The following SLC23A2 variants were observed in gnomAD, a reference collection of about 807,000 sequenced individuals.
SLC23A2 encodes Na(+)/L-ascorbic acid transporter 2.
Under a neutral mutation model 73.3 loss-of-function variants are expected in SLC23A2, and 36 were observed. The ratio of observed to expected loss-of-function variants is 0.49; its 90% CI spans 0.38 to 0.65. SLC23A2 has a LOEUF of 0.65. Ranked by LOEUF, SLC23A2 falls within the 30% of genes least tolerant of loss-of-function variation. The pLI is 0.00. For synonymous variants in SLC23A2, 343 were observed against 327.3 expected, an observed-to-expected ratio of 1.05 and a Z score of -0.52; for missense variants, 507 against 841.6, an observed-to-expected ratio of 0.60 and a Z score of 4.92.
At chr20:4,901,604 C>T (rs1236712128) in intron 5 of SLC23A2, among the ~76,000 whole-genome samples, 1 of 152,162 alleles carries the variant, frequency 6.6e-6, no homozygotes, top group Admixed American at 6.5e-5. Flanking sequence ...TGTCACCACC[C>T]ACCTTGTCCC....
chr20:4,886,715 T>G (rs1931112585), intron 6 of SLC23A2, among the ~76,000 whole-genome samples: 1 of 152,234 alleles, frequency 6.6e-6, no homozygotes, highest in East Asian at 1.9e-4. Context: ...AGTGACTTTA[T>G]GGGTTAGCAT....
At chr20:4,876,393 G>A (rs1048909052) in intron 9 of SLC23A2, among the ~76,000 whole-genome samples, 36 of 152,314 alleles carry the variant, frequency 2.4e-4, no homozygotes, top group African/African-American at 7.9e-4. Context: ...TTAGAAAGCA[G>A]ATTAGGTAGC....
At chr20:4,889,530 CA>C in intron 6 of SLC23A2, among the ~76,000 whole-genome samples, 1 of 151,728 alleles carries the variant, frequency 6.6e-6, no homozygotes, top group South Asian at 2.1e-4. Context: ...GAGGACATCC[CA>C]ATAGGCTGTG....
At chr20:4,935,513 T>G (rs1240524430) in intron 2 of SLC23A2, among the ~76,000 whole-genome samples, 3 of 152,012 alleles carry the variant, frequency 2.0e-5, no homozygotes, top group Non-Finnish European at 4.4e-5. Context: ...ATAAAATCTG[T>G]GCAGGCCGGG....
rs138062549 is a variant in SLC23A2, at chr20:4,960,236, T to A, written c.-155+10557A>T. 9.2e-5 allele frequency among the ~76,000 whole-genome samples: 14 copies of A among 152,328 alleles called. No homozygotes were observed. In the East Asian group the frequency reaches 2.7e-3, roughly 29 times the overall value. On this transcript the variant is annotated intron_variant, in intron 2 of 16. Transcript: ENST00000338244. ...TCATTTCACATTCATCAGATAAGGC[T>A]AGAATAAGAGTTTAGTAATATGAAG...
chr20:4,995,279 T>G (rs1016666801), intron 1 of SLC23A2, among the ~76,000 whole-genome samples: 1 of 152,116 alleles, frequency 6.6e-6, no homozygotes, highest in Non-Finnish European at 1.5e-5. Context: ...TAGCCAGGAA[T>G]GAACCACAGG....
chr20:4,902,624 T>A lies in SLC23A2; in HGVS notation c.208-66A>T. The A allele has an allele frequency of 1.3e-6, 1 of 796,450 alleles. No homozygotes were observed. Among genetic ancestry groups the A allele is most frequent in the Non-Finnish European group, 2.0e-6 (1 of 489,558 alleles). 49.3% of individuals were successfully genotyped at this position (796,450 alleles called of 1,614,324 possible). A position where few individuals can be genotyped will look rare whatever the true frequency, so the allele number is the denominator to read the frequency against. On this transcript the variant is annotated intron_variant, in intron 4 of 16. Coordinates refer to ENST00000338244, the MANE Select transcript of SLC23A2 (RefSeq NM_005116.6). The surrounding 1 kb of genome is among the most constrained non-coding windows in gnomAD (Gnocchi z 4.0). ...GAAGACCAGTGTTAGCTCGGCCATG[T>A]ACAGGCCACTATTACAGAAAAACAA...
intron 1 of SLC23A2, among the ~76,000 whole-genome samples, chr20:5,007,295 C>T (rs1259216524): frequency 6.6e-6 from 1 of 152,102 alleles, no homozygotes; most frequent in Non-Finnish European, 1.5e-5. Flanking sequence ...CTCTGGGAGG[C>T]CGACACAGGT....
Position 4,855,291 on chromosome 20 carries a change from G to A in SLC23A2, c.*1681C>T. On this transcript the variant is annotated 3_prime_UTR_variant, in exon 17 of 17. Transcript: ENST00000338244. ...GCTGAGCCAGCCTGGGGCCGAGGGG[G>A]ACAGGAATGCACCGTGTGGACACCA... The A allele has an allele frequency of 6.6e-6, 1 of 152,334 alleles. No individual in the cohort carries two copies. Among genetic ancestry groups the A allele is most frequent in the Non-Finnish European group, 1.5e-5 (1 of 68,148 alleles). The allele number at this position is 152,334 out of a possible 1,614,324, so 9.4% of individuals were successfully genotyped here.
chr20:5,005,771 T>C (rs2088183958), upstream of SLC23A2, among the ~76,000 whole-genome samples: 1 of 152,136 alleles, frequency 6.6e-6, no homozygotes, highest in Non-Finnish European at 1.5e-5. Flanking sequence ...GTGGATCACT[T>C]GAGGTCAGGA....
At chr20:4,949,227 G>A (rs941154366) in intron 2 of SLC23A2, among the ~76,000 whole-genome samples, 4 of 150,136 alleles carry the variant, frequency 2.7e-5, no homozygotes, top group East Asian at 2.0e-4. Context: ...GGCGGAGATT[G>A]CAGTGAGCCG....
At chr20:4,887,791 C>T (rs1233555339) in intron 6 of SLC23A2, among the ~76,000 whole-genome samples, 6 of 152,178 alleles carry the variant, frequency 3.9e-5, no homozygotes, top group African/African-American at 1.4e-4. Flanking sequence ...CAGGCAACAC[C>T]GCCTGACACA....
At chr20:4,963,728 G>A (rs2087429261) in intron 2 of SLC23A2, among the ~76,000 whole-genome samples, 1 of 151,960 alleles carries the variant, frequency 6.6e-6, no homozygotes, top group Admixed American at 6.6e-5. Flanking sequence ...CACACCTGTA[G>A]TCCCAGCTAC....
At chr20:4,987,381 C>T (rs1374222663) in intron 1 of SLC23A2, among the ~76,000 whole-genome samples, 1 of 152,106 alleles carries the variant, frequency 6.6e-6, no homozygotes, top group African/African-American at 2.4e-5. Context: ...GCCCTGGGGA[C>T]AAACCTGAAG....
intron 2 of SLC23A2, among the ~76,000 whole-genome samples, chr20:4,960,890 T>A (rs1303598710): frequency 6.6e-5 from 10 of 152,224 alleles, no homozygotes; most frequent in Admixed American, 6.5e-4. Context: ...TTCTTTAGTT[T>A]TCTTTATATT....
intron 1 of SLC23A2, among the ~76,000 whole-genome samples, chr20:4,972,823 G>A (rs1337963167): frequency 6.7e-6 from 1 of 149,642 alleles, no homozygotes; most frequent in East Asian, 2.1e-4. Flanking sequence ...GACCTTAGGT[G>A]ATCCACCCGC....
chr20:4,903,335 T>C (rs945495178), intron 4 of SLC23A2, among the ~76,000 whole-genome samples: 1 of 152,144 alleles, frequency 6.6e-6, no homozygotes, highest in African/African-American at 2.4e-5. Flanking sequence ...TCATGCAGTA[T>C]CTGAGCCAAA....
intron 2 of SLC23A2, among the ~76,000 whole-genome samples, chr20:4,941,304 C>T (rs919846311): frequency 1.3e-5 from 2 of 151,902 alleles, no homozygotes; most frequent in East Asian, 1.9e-4. Context: ...AAGAGTGGGA[C>T]GATTGCTTGA....
intron 11 of SLC23A2, among the ~76,000 whole-genome samples, chr20:4,873,050 C>T (rs960660412): frequency 1.3e-5 from 2 of 152,186 alleles, no homozygotes; most frequent in East Asian, 1.9e-4. Context: ...CCGCCGCGCC[C>T]GGCCTGAAAG....
Sources: allele counts gnomAD v4.1 joint callset (sites outside exome capture counted in the v4.1 genomes callset), GRCh38; gene constraint gnomAD v4.1.1; non-coding constraint Gnocchi (gnomAD v3.1); transcripts MANE v1.5; gene names NCBI Gene and HGNC (gene_info 2026-07-23, HGNC 2026-07-21).